Variants in PPP3CA observed in about 807,000 individuals in gnomAD.
The protein encoded by PPP3CA is CAM-PRP catalytic subunit.
In PPP3CA, 14 loss-of-function variants were observed where a neutral mutation model predicts 66.5. The observed-to-expected ratio is 0.21, with a 90% CI of 0.14 to 0.33. The LOEUF (loss-of-function observed/expected upper bound fraction) is 0.33, where lower values mean the gene tolerates loss of function less well. Among genes scored for constraint, PPP3CA ranks in the 10% least tolerant of loss-of-function variants. The pLI is 1.00. For synonymous variants in PPP3CA, 232 were observed against 226.2 expected, an observed-to-expected ratio of 1.03 and a Z score of -0.23; for missense variants, 317 against 639.5, an observed-to-expected ratio of 0.50 and a Z score of 5.44.
At chr4:101,169,684 T>C (rs1267545322) in intron 2 of PPP3CA, among the ~76,000 whole-genome samples, 1 of 152,134 alleles carries the variant, frequency 6.6e-6, no homozygotes, top group Non-Finnish European at 1.5e-5. Flanking sequence ...GATTATAAGC[T>C]GCTAAAAGGC....
At chr4:101,315,129 T>C (rs996974235) in intron 1 of PPP3CA, among the ~76,000 whole-genome samples, 3 of 152,108 alleles carry the variant, frequency 2.0e-5, no homozygotes, top group African/African-American at 7.2e-5. Flanking sequence ...TCCTCCTACA[T>C]GGGATTCACG....
intron 2 of PPP3CA, among the ~76,000 whole-genome samples, chr4:101,153,414 T>A (rs919855682): frequency 5.9e-5 from 9 of 152,200 alleles, no homozygotes; most frequent in Non-Finnish European, 8.8e-5. Context: ...ATAACATTCA[T>A]TTCAACAGTA....
At chr4:101,145,126 T>A (rs1044075290) in intron 2 of PPP3CA, among the ~76,000 whole-genome samples, 2 of 152,138 alleles carry the variant, frequency 1.3e-5, no homozygotes, top group African/African-American at 4.8e-5. Flanking sequence ...TGGAAAACAC[T>A]GCTCTATATA....
intron 5 of PPP3CA, among the ~76,000 whole-genome samples, chr4:101,096,320 T>C (rs1183013479): frequency 1.3e-5 from 2 of 152,198 alleles, no homozygotes; most frequent in Admixed American, 1.3e-4. Context: ...AATACATTCA[T>C]AATTTACTAA....
chr4:101,201,487 A>T (rs1332473876), intron 1 of PPP3CA, among the ~76,000 whole-genome samples: 2 of 152,250 alleles, frequency 1.3e-5, no homozygotes, highest in Non-Finnish European at 2.9e-5. Context: ...TTTCAGATTG[A>T]GATCCACTGA....
chr4:101,306,603 G>C (rs982144018), intron 1 of PPP3CA, among the ~76,000 whole-genome samples: 7 of 152,206 alleles, frequency 4.6e-5, no homozygotes, highest in Non-Finnish European at 8.8e-5. Context: ...AGAGAAGAGA[G>C]AGAACACAAA....
At chr4:101,293,676 G>A (rs911728135) in intron 1 of PPP3CA, among the ~76,000 whole-genome samples, 2 of 152,198 alleles carry the variant, frequency 1.3e-5, no homozygotes, top group African/African-American at 4.8e-5. Context: ...AATGAGAGAA[G>A]AGACATCCAG....
At chr4:101,298,841 CTG>C (rs57507050) in intron 1 of PPP3CA, among the ~76,000 whole-genome samples, 44,601 of 139,166 alleles carry the variant, frequency 0.32, 7,448 homozygotes, top group Middle Eastern at 0.46. Context: ...CAAGGGTCTA[CTG>C]TGTGTGTGTG....
rs139637703 is a variant in PPP3CA at position 101,040,668 on chromosome 4, AT to A, written c.1157-103del. 105,087 of 659,036 alleles carry A rather than the reference AT, an allele frequency of 0.16. 685 individuals are homozygous for A. The highest frequency in any genetic ancestry group is 0.19 in the East Asian group (4,297 of 22,942). 40.8% of individuals were successfully genotyped at this position (659,036 alleles called of 1,614,324 possible). ...ACAGACTCCAGTAAGCAAAATCAGT[AT>A]TTTTTTTTTTTCCCCCTTAAGAGGA... is the stretch of plus-strand genomic sequence containing the variant. On this transcript the variant is annotated intron_variant, in intron 10 of 13. Transcript: ENST00000394854.
chr4:101,204,084 C>A (rs1190721037), intron 1 of PPP3CA, among the ~76,000 whole-genome samples: 2 of 152,134 alleles, frequency 1.3e-5, no homozygotes, highest in Non-Finnish European at 2.9e-5. Context: ...ATCCTCCCAC[C>A]TCAGTCAACC....
rs993177271 is a variant in PPP3CA, at chr4:101,025,603, T to A, written c.*262A>T. ...TATATACTAGCATTAGCTTTCTTTT[T>A]AAAATTTTTTTTCTCTATAAGCATT... is the stretch of plus-strand genomic sequence containing the variant. On this transcript the variant is annotated 3_prime_UTR_variant, in exon 14 of 14. Coordinates refer to ENST00000394854, the MANE Select transcript of PPP3CA (RefSeq NM_000944.5). 3.1e-5 allele frequency: 10 copies of A among 325,172 alleles called. No homozygotes were observed. Among genetic ancestry groups the A allele is most frequent in the Non-Finnish European group, 5.0e-5 (9 of 178,818 alleles). The allele number at this position is 325,172 out of a possible 1,614,324, so 20.1% of individuals were successfully genotyped here.
chr4:101,060,253 A>G (rs574169336), intron 10 of PPP3CA, among the ~76,000 whole-genome samples: 174 of 152,064 alleles, frequency 1.1e-3, no homozygotes, highest in Admixed American at 2.2e-3. Flanking sequence ...ACACATGGCT[A>G]ATTTTTTGTA....
intron 1 of PPP3CA, among the ~76,000 whole-genome samples, chr4:101,333,875 G>A (rs1729536295): frequency 6.6e-6 from 1 of 152,102 alleles, no homozygotes; most frequent in Non-Finnish European, 1.5e-5. Flanking sequence ...AACTTATACC[G>A]TGATTTCCTT....
Position 101,119,204 on chromosome 4 carries a change from T to C in PPP3CA, c.260-10126A>G, listed in dbSNP as rs1173761255. On this transcript the variant is annotated intron_variant, in intron 2 of 13. Transcript: ENST00000394854. ...TATATTTTTCCACATTTTATCCAAA[T>C]GTATGCTATCATATATTGAAAGCTA... 3.9e-5 allele frequency among the ~76,000 whole-genome samples: 6 copies of C among 152,110 alleles called. No homozygotes were observed. In the East Asian group the frequency reaches 9.6e-4, roughly 24 times the overall value.
At chr4:101,332,003 G>C (rs1205272125) in intron 1 of PPP3CA, among the ~76,000 whole-genome samples, 1 of 152,132 alleles carries the variant, frequency 6.6e-6, no homozygotes, top group Non-Finnish European at 1.5e-5. Context: ...GTATGCAAGA[G>C]AAAAAGGTTG....
intron 1 of PPP3CA, among the ~76,000 whole-genome samples, chr4:101,253,047 TA>T (rs1726728588): frequency 6.6e-6 from 1 of 152,076 alleles, no homozygotes; most frequent in South Asian, 2.1e-4. Flanking sequence ...CAACTCTGAT[TA>T]AGCTGAAAAG....
intron 13 of PPP3CA, among the ~76,000 whole-genome samples, chr4:101,027,773 G>A (rs1339490255): frequency 2.6e-5 from 4 of 152,072 alleles, no homozygotes; most frequent in African/African-American, 9.7e-5. Context: ...CAATAGGGTG[G>A]GAGTGTTAAA....
chr4:101,216,493 G>C (rs1296142355), intron 1 of PPP3CA, among the ~76,000 whole-genome samples: 1 of 152,030 alleles, frequency 6.6e-6, no homozygotes, highest in East Asian at 1.9e-4. Flanking sequence ...TTGTAGAACT[G>C]CTCAATTGCT....
chr4:101,036,749 C>T (rs1453038196), intron 11 of PPP3CA, among the ~76,000 whole-genome samples: 1 of 152,156 alleles, frequency 6.6e-6, no homozygotes, highest in Non-Finnish European at 1.5e-5. Context: ...CTCTCTGAAC[C>T]TCCAGGGCAG....
Sources: allele counts gnomAD v4.1 joint callset (sites outside exome capture counted in the v4.1 genomes callset), GRCh38; gene constraint gnomAD v4.1.1; transcripts MANE v1.5; gene names NCBI Gene and HGNC (gene_info 2026-07-23, HGNC 2026-07-21).